TBC1D5: variants seen among roughly 807,000 people sequenced by gnomAD.
The protein encoded by TBC1D5 is TBC1 domain family, member 5.
In TBC1D5, 75 loss-of-function variants were observed where a neutral mutation model predicts 100.3. The observed-to-expected ratio is 0.75, with a 90% CI of 0.62 to 0.91. The LOEUF is 0.91. Among genes scored for constraint, TBC1D5 ranks in the 40% least tolerant of loss-of-function variants. The pLI is 0.00. For synonymous variants in TBC1D5, 323 were observed against 325.6 expected (o/e 0.99, Z 0.09); for missense variants, 910 against 942.4 (o/e 0.97, Z 0.45).
chr3:17,367,219 A>G (rs992918891), intron 13 of TBC1D5, among the ~76,000 whole-genome samples: 22 of 152,208 alleles, frequency 1.4e-4, no homozygotes, highest in Admixed American at 2.6e-4. Context: ...TAGTCTCTTT[A>G]TAATAAAAGA....
At chr3:17,718,322 A>G (rs1376477020) in intron 1 of TBC1D5, among the ~76,000 whole-genome samples, 1 of 152,218 alleles carries the variant, frequency 6.6e-6, no homozygotes, top group African/African-American at 2.4e-5. Flanking sequence ...GTGGTCAGGC[A>G]CGGTGGCTCA....
At chr3:17,634,678 G>C (rs2063763422) in intron 1 of TBC1D5, among the ~76,000 whole-genome samples, 1 of 146,742 alleles carries the variant, frequency 6.8e-6, no homozygotes, top group Non-Finnish European at 1.5e-5. Context: ...TAGCACAACA[G>C]AGTGATTACA....
intron 13 of TBC1D5, among the ~76,000 whole-genome samples, chr3:17,353,688 C>G (rs1298306091): frequency 6.6e-6 from 1 of 151,942 alleles, no homozygotes; most frequent in Non-Finnish European, 1.5e-5. Flanking sequence ...AAACATTTTA[C>G]AAATCAGAAA....
At chr3:17,492,558 G>A (rs1369861077) in intron 3 of TBC1D5, among the ~76,000 whole-genome samples, 1 of 151,968 alleles carries the variant, frequency 6.6e-6, no homozygotes, top group Non-Finnish European at 1.5e-5. Flanking sequence ...CCTCAGCCTA[G>A]CGAGTAGCTG....
intron 3 of TBC1D5, among the ~76,000 whole-genome samples, chr3:17,488,517 T>C (rs976640399): frequency 8.5e-5 from 13 of 152,216 alleles, no homozygotes; most frequent in African/African-American, 3.1e-4. Context: ...CTGGGTCATA[T>C]GGTAAGAGTA....
At chr3:17,508,825 A>G (rs886861942) in intron 2 of TBC1D5, among the ~76,000 whole-genome samples, 5 of 152,308 alleles carry the variant, frequency 3.3e-5, no homozygotes, top group Middle Eastern at 3.4e-3. Context: ...AGCATCATTT[A>G]TAATCTTTAT....
intron 13 of TBC1D5, among the ~76,000 whole-genome samples, chr3:17,352,806 T>A (rs1019395781): frequency 6.6e-6 from 1 of 151,808 alleles, no homozygotes; most frequent in African/African-American, 2.4e-5. Context: ...TCCAGAAATA[T>A]GAGTTGTACG....
chr3:17,617,299 T>C (rs2062254944), intron 2 of TBC1D5, among the ~76,000 whole-genome samples: 1 of 152,250 alleles, frequency 6.6e-6, no homozygotes, highest in South Asian at 2.1e-4. Context: ...GACCTTTCTG[T>C]CTGGCTGCCC....
intron 1 of TBC1D5, among the ~76,000 whole-genome samples, chr3:17,669,234 T>C (rs2067644789): frequency 6.6e-6 from 1 of 152,184 alleles, no homozygotes; most frequent in African/African-American, 2.4e-5. Context: ...TTGCTTCCCC[T>C]TCCACCATGA....
chr3:17,298,073 C>A (rs1416850872), intron 14 of TBC1D5, among the ~76,000 whole-genome samples: 1 of 152,140 alleles, frequency 6.6e-6, no homozygotes, highest in Non-Finnish European at 1.5e-5. Flanking sequence ...ACATTTGACT[C>A]TCTTAATTTT....
At chr3:17,705,352 C>CT (rs1243659517) in intron 1 of TBC1D5, among the ~76,000 whole-genome samples, 1 of 124,558 alleles carries the variant, frequency 8.0e-6, no homozygotes, top group Admixed American at 7.7e-5. Flanking sequence ...GGCTGACCCC[C>CT]CCCCACCTCC....
At chr3:17,391,555 G>A (rs1575661353) in intron 8 of TBC1D5, among the ~76,000 whole-genome samples, 1 of 151,080 alleles carries the variant, frequency 6.6e-6, no homozygotes, top group East Asian at 1.9e-4. Flanking sequence ...AAACTGGGGT[G>A]CTGTTTCAAA....
At chr3:17,690,994 C>A (rs1306041854) in intron 1 of TBC1D5, among the ~76,000 whole-genome samples, 1 of 152,200 alleles carries the variant, frequency 6.6e-6, no homozygotes, top group East Asian at 1.9e-4. Context: ...CAAGAAAGTA[C>A]AGTATACATA....
chr3:17,161,177 C>A (rs750287960), exon 22 of TBC1D5: 3 of 1,614,140 alleles, frequency 1.9e-6, no homozygotes, highest in East Asian at 2.2e-5. Context: ...CCTGGCACTG[C>A]TCCCATCATC....
chr3:17,534,850 T>C (rs1358218085), intron 2 of TBC1D5, among the ~76,000 whole-genome samples: 1 of 152,176 alleles, frequency 6.6e-6, no homozygotes, highest in Non-Finnish European at 1.5e-5. Flanking sequence ...GTAGTCCCAC[T>C]TAAATTAAAA....
chr3:17,294,984 A>T (rs2082108102), intron 14 of TBC1D5, among the ~76,000 whole-genome samples: 1 of 129,866 alleles, frequency 7.7e-6, no homozygotes, highest in African/African-American at 2.8e-5. Context: ...AACATGAAAA[A>T]CTAATCTGTA....
intron 2 of TBC1D5, among the ~76,000 whole-genome samples, chr3:17,555,430 C>A (rs1402130306): frequency 1.3e-5 from 2 of 152,128 alleles, no homozygotes; most frequent in Admixed American, 1.3e-4. Flanking sequence ...GCAAAGGGGG[C>A]TTCCAGGTCA....
chr3:17,165,715 AT>A (rs1387980212), intron 21 of TBC1D5, among the ~76,000 whole-genome samples: 4 of 152,216 alleles, frequency 2.6e-5, no homozygotes, highest in Non-Finnish European at 5.9e-5. Flanking sequence ...CTTAGATAAT[AT>A]TTTGCTAATG....
At chr3:17,190,529 G>C (rs1484494183) in intron 18 of TBC1D5, among the ~76,000 whole-genome samples, 1 of 152,172 alleles carries the variant, frequency 6.6e-6, no homozygotes, top group Non-Finnish European at 1.5e-5. Flanking sequence ...GGGATAGTAC[G>C]AGCTGAGGTT....
Sources: gnomAD v4.1 joint callset for allele counts (sites outside exome capture counted in the v4.1 genomes callset) on GRCh38, gnomAD v4.1.1 for gene constraint, MANE v1.5 for transcripts, NCBI Gene and HGNC (gene_info 2026-07-23, HGNC 2026-07-21) for gene names.